The following GALNT10 variants were observed in gnomAD, a reference collection of about 807,000 sequenced individuals.
GALNT10 encodes GalNAc transferase 10.
GALNT10 carries 41 observed loss-of-function variants against 75.0 expected under a neutral mutation model. That is an observed-to-expected ratio of 0.55 (90% CI 0.43 to 0.71). The LOEUF is 0.71. Ranked by LOEUF, GALNT10 falls within the 30% of genes least tolerant of loss-of-function variation. GALNT10 has a pLI of 0.00. For synonymous variants in GALNT10, 302 were observed against 313.0 expected, an observed-to-expected ratio of 0.96 and a Z score of 0.37; for missense variants, 727 against 818.5, an observed-to-expected ratio of 0.89 and a Z score of 1.36.
chr5:154,381,550 A>G (rs916739479), intron 6 of GALNT10, among the ~76,000 whole-genome samples: 2 of 152,222 alleles, frequency 1.3e-5, no homozygotes, highest in African/African-American at 4.8e-5. Flanking sequence ...ATTACTATAA[A>G]CTTAGAAGGT....
intron 7 of GALNT10, among the ~76,000 whole-genome samples, chr5:154,393,468 A>AC (rs1755951663): frequency 6.6e-6 from 1 of 152,112 alleles, no homozygotes; most frequent in African/African-American, 2.4e-5. Context: ...GTCTCTTTCT[A>AC]CCTAATGTGT....
chr5:154,278,032 A>G (rs1173371303), intron 1 of GALNT10, among the ~76,000 whole-genome samples: 1 of 152,234 alleles, frequency 6.6e-6, no homozygotes. Context: ...GAATGGATAG[A>G]TGGATGAATG....
At chr5:154,357,046 C>T (rs983658611) in intron 4 of GALNT10, among the ~76,000 whole-genome samples, 4 of 152,092 alleles carry the variant, frequency 2.6e-5, no homozygotes, top group African/African-American at 4.8e-5. Flanking sequence ...GATACATTCC[C>T]GGGTATGTTT....
Position 154,376,356 on chromosome 5 carries a change from G to C in GALNT10, c.648G>C (p.Gly216=). The C allele has an allele frequency of 6.2e-7, 1 of 1,611,764 alleles. No individual in the cohort carries two copies. The highest frequency in any genetic ancestry group is 8.5e-7 in the Non-Finnish European group (1 of 1,178,854). ...VRILRTKKRE[G]LIRTRMLGAS... is the part of the protein sequence containing the mutation. ...TTCTTCGAACCAAGAAACGGGAAGG[G>C]CTGATAAGGACCCGAATGCTGGGGG... Residue 216 remains glycine, a synonymous_variant, in exon 5 of 12, where the codon GGG becomes GGC. Coordinates refer to ENST00000297107, the MANE Select transcript of GALNT10 (RefSeq NM_198321.4). This position sits in a 1 kb window ranked among gnomAD's most constrained non-coding sequence, Gnocchi z 4.1.
chr5:154,191,467 T>A, intron 1 of GALNT10, among the ~76,000 whole-genome samples: 1 of 98,188 alleles, frequency 1.0e-5, no homozygotes, highest in Admixed American at 1.6e-4. Context: ...TACCTGCTGA[T>A]CCCAGTGTTC....
At chr5:154,340,636 T>G (rs542200598) in intron 4 of GALNT10, among the ~76,000 whole-genome samples, 1 of 152,340 alleles carries the variant, frequency 6.6e-6, no homozygotes, top group Admixed American at 6.5e-5. Flanking sequence ...TCTAAGCTAC[T>G]GCCTGACCCA....
chr5:154,412,957 A>G lies in GALNT10; in HGVS notation c.1455A>G (p.Leu485=). The change falls in exon 10 of 12, where the codon CTA becomes CTG. Residue 485 remains leucine, a synonymous_variant. Coordinates refer to ENST00000297107, the MANE Select transcript of GALNT10 (RefSeq NM_198321.4). The surrounding 1 kb of genome is among the most constrained non-coding windows in gnomAD (Gnocchi z 4.2). ...KHGALGSPLR[L]EGCVRGRGEA... ...GGGCCTTGGGCTCCCCACTAAGGCT[A>G]GAGGGCTGCGTCCGAGGCCGTGGGG... is the stretch of plus-strand genomic sequence containing the variant. The G allele has an allele frequency of 6.2e-7, 1 of 1,613,628 alleles. No homozygotes were observed. Among genetic ancestry groups the G allele is most frequent in the Non-Finnish European group, 8.5e-7 (1 of 1,179,734 alleles).
rs547612556 is a variant in GALNT10 at position 154,258,778 on chromosome 5, C to G, written c.160-36038C>G. On this transcript the variant is annotated intron_variant, in intron 1 of 11. Transcript: ENST00000297107. ...ACTATTTGAAACTCATGGCTTTGAT[C>G]ATGAGGTTGAATTGCTTTTGGTCCC... Among the ~76,000 whole-genome samples, 6 of 152,270 alleles carry G rather than the reference C, an allele frequency of 3.9e-5. No individual in the cohort carries two copies. The South Asian group carries it at 1.2e-3, about 32-fold the overall frequency.
chr5:154,256,671 G>C (rs1753619496), intron 1 of GALNT10, among the ~76,000 whole-genome samples: 1 of 152,036 alleles, frequency 6.6e-6, no homozygotes, highest in Non-Finnish European at 1.5e-5. Context: ...TCAAATGTTT[G>C]GTTCACATAT....
chr5:154,255,699 G>A (rs760930422), intron 1 of GALNT10, among the ~76,000 whole-genome samples: 4 of 151,912 alleles, frequency 2.6e-5, no homozygotes, highest in East Asian at 3.9e-4. Context: ...ACTTTCCCAC[G>A]CTGGTGGCTG....
rs1253245609 is a variant in GALNT10 at position 154,285,281 on chromosome 5, C to A, written c.160-9535C>A. 2.6e-5 allele frequency among the ~76,000 whole-genome samples: 4 copies of A among 152,178 alleles called. No homozygotes were observed. The East Asian group carries it at 7.7e-4, about 29-fold the overall frequency. On this transcript the variant is annotated intron_variant, in intron 1 of 11. Coordinates refer to ENST00000297107, the MANE Select transcript of GALNT10 (RefSeq NM_198321.4). ...ATGAGCACGGGAGGCTCACCACCAC[C>A]CTTGTAGGATTTCTCTCTTCTTTCT...
At chr5:154,294,677 G>A in intron 1 of GALNT10, 139 bp from the exon 2 acceptor site, 2 of 527,344 alleles carry the variant, frequency 3.8e-6, no homozygotes, top group South Asian at 3.1e-5. Context: ...ACCAACAAAG[G>A]TATGCTGAGG....
chr5:154,246,050 C>T (rs1288533674), intron 1 of GALNT10, among the ~76,000 whole-genome samples: 1 of 150,906 alleles, frequency 6.6e-6, no homozygotes, highest in African/African-American at 2.4e-5. Context: ...TGAGTGACAA[C>T]ATGCGGTGTT....
chr5:154,285,846 C>T (rs142608915), intron 1 of GALNT10, among the ~76,000 whole-genome samples: 2 of 152,252 alleles, frequency 1.3e-5, no homozygotes, highest in Non-Finnish European at 2.9e-5. Flanking sequence ...CCCTGTCCAC[C>T]TCTCATTCCT....
intron 1 of GALNT10, among the ~76,000 whole-genome samples, chr5:154,256,467 T>C (rs1050244501): frequency 1.3e-5 from 2 of 152,082 alleles, no homozygotes; most frequent in Non-Finnish European, 2.9e-5. Flanking sequence ...TCTGTTTTCA[T>C]TCATTTCACT....
chr5:154,262,593 G>A (rs528184780), intron 1 of GALNT10, among the ~76,000 whole-genome samples: 7 of 152,294 alleles, frequency 4.6e-5, no homozygotes, highest in African/African-American at 2.4e-5. Flanking sequence ...AGTCTGACCT[G>A]CTGTCCTTCC....
intron 3 of GALNT10, among the ~76,000 whole-genome samples, chr5:154,327,650 A>T (rs1437302112): frequency 6.6e-6 from 1 of 152,212 alleles, no homozygotes; most frequent in African/African-American, 2.4e-5. Context: ...CATTCTAAAG[A>T]CTTGTAAAGA....
chr5:154,262,419 G>A (rs1158323011), intron 1 of GALNT10, among the ~76,000 whole-genome samples: 2 of 152,114 alleles, frequency 1.3e-5, no homozygotes, highest in Admixed American at 6.6e-5. Context: ...TTACTGCAGT[G>A]GGGCTGGTAG....
chr5:154,311,323 T>C (rs113360450), intron 3 of GALNT10, among the ~76,000 whole-genome samples: 1,832 of 152,344 alleles, frequency 0.012, 40 homozygotes, highest in African/African-American at 0.04. Context: ...TGTGTGATGA[T>C]GATTTATTTC....
Sources: gnomAD v4.1 joint callset for allele counts (sites outside exome capture counted in the v4.1 genomes callset) on GRCh38, gnomAD v4.1.1 for gene constraint, Gnocchi (gnomAD v3.1) non-coding constraint, MANE v1.5 for transcripts, NCBI Gene and HGNC (gene_info 2026-07-23, HGNC 2026-07-21) for gene names.